The following KCNIP3 variants were observed in gnomAD, a reference collection of about 807,000 sequenced individuals.
KCNIP3 encodes potassium voltage-gated channel interacting protein 3, also known as calsenilin.
A neutral mutation model predicts 35.0 loss-of-function variants in KCNIP3; 28 were observed. The observed-to-expected ratio is 0.80, with a 90% confidence interval of 0.59 to 1.10. The LOEUF is 1.10. Among genes scored for constraint, KCNIP3 ranks in the 50% least tolerant of loss-of-function variants. The pLI, the probability that KCNIP3 is intolerant of heterozygous loss-of-function variation, is 0.00. For synonymous variants in KCNIP3, 134 were observed against 133.8 expected, an observed-to-expected ratio of 1.00 and a Z score of -0.01; for missense variants, 295 against 338.4, an observed-to-expected ratio of 0.87 and a Z score of 1.01.
chr2:95,343,453 C>T (rs1679266692), intron 2 of KCNIP3, among the ~76,000 whole-genome samples: 1 of 152,174 alleles, frequency 6.6e-6, no homozygotes. Context: ...TCCCCCAGCC[C>T]CACTCCGGAG....
intron 2 of KCNIP3, among the ~76,000 whole-genome samples, chr2:95,361,368 C>G (rs1003075869): frequency 6.6e-6 from 1 of 152,136 alleles, no homozygotes; most frequent in Admixed American, 6.5e-5. Flanking sequence ...CCCGCCAGTT[C>G]CCTTCACTCC....
chr2:95,374,789 C>T, intron 3 of KCNIP3, 59 bp from the exon 4 acceptor site: 20 of 1,568,616 alleles, frequency 1.3e-5, no homozygotes, highest in Non-Finnish European at 1.6e-5. Flanking sequence ...AGGCACCATG[C>T]AGAGTCGGGC....
chr2:95,341,461 C>G (rs2104257910), intron 2 of KCNIP3, among the ~76,000 whole-genome samples: 1 of 152,306 alleles, frequency 6.6e-6, no homozygotes, highest in Non-Finnish European at 1.5e-5. Context: ...GGTCAATACT[C>G]TAAGGTCAAG....
intron 2 of KCNIP3, among the ~76,000 whole-genome samples, chr2:95,326,070 C>T (rs575096778): frequency 1.1e-4 from 16 of 145,572 alleles, no homozygotes; most frequent in Admixed American, 2.8e-4. Flanking sequence ...CACATTCACT[C>T]ATACTAACAC....
chr2:95,354,808 C>A (rs1259818980), intron 2 of KCNIP3, among the ~76,000 whole-genome samples: 1 of 152,192 alleles, frequency 6.6e-6, no homozygotes, highest in Non-Finnish European at 1.5e-5. Flanking sequence ...CCCCCAACAC[C>A]CTCTCCCACC....
chr2:95,319,490 C>G (rs1350361077), intron 2 of KCNIP3, among the ~76,000 whole-genome samples: 1 of 152,162 alleles, frequency 6.6e-6, no homozygotes, highest in Non-Finnish European at 1.5e-5. Flanking sequence ...ACTGGTGGGC[C>G]AGGCCCAGGG....
chr2:95,360,845 A>G (rs1451102068), intron 2 of KCNIP3, among the ~76,000 whole-genome samples: 1 of 152,246 alleles, frequency 6.6e-6, no homozygotes, highest in African/African-American at 2.4e-5. Flanking sequence ...TGGGGCCCTC[A>G]TGGCCTGAAC....
At chr2:95,327,392 TACAC>T (rs987193774) in intron 2 of KCNIP3, among the ~76,000 whole-genome samples, 4 of 151,914 alleles carry the variant, frequency 2.6e-5, no homozygotes, top group South Asian at 2.1e-4. Context: ...CACGCACACA[TACAC>T]ACACTCTCAC....
At chr2:95,370,196 A>C (rs1225219060) in intron 2 of KCNIP3, among the ~76,000 whole-genome samples, 7 of 152,150 alleles carry the variant, frequency 4.6e-5, no homozygotes, top group Admixed American at 3.9e-4. Context: ...TATGTTGGAC[A>C]TTGTGAAAGG....
chr2:95,361,464 C>T (rs764017774), intron 2 of KCNIP3, among the ~76,000 whole-genome samples: 22 of 152,234 alleles, frequency 1.4e-4, no homozygotes, highest in Admixed American at 1.3e-4. Context: ...GCTTTGGACC[C>T]TTCGATAGCT....
At chr2:95,383,337 T>C in intron 8 of KCNIP3, 43 bp downstream of exon 8, 1 of 1,592,484 alleles carries the variant, frequency 6.3e-7, no homozygotes, top group East Asian at 2.3e-5. Context: ...CTGCAGGCTC[T>C]ACACGGAGGT....
At chr2:95,326,962 C>T (rs574220478) in intron 2 of KCNIP3, among the ~76,000 whole-genome samples, 21 of 152,320 alleles carry the variant, frequency 1.4e-4, no homozygotes, top group African/African-American at 4.3e-4. Context: ...CCTCGGTTTA[C>T]GGGTCGCCTC....
intron 2 of KCNIP3, among the ~76,000 whole-genome samples, chr2:95,363,864 T>G (rs984859900): frequency 2.0e-5 from 3 of 152,228 alleles, no homozygotes; most frequent in Admixed American, 2.0e-4. Context: ...TGTAGAGAAC[T>G]GCTATTGATT....
intron 5 of KCNIP3, 26 bp downstream of exon 5, chr2:95,375,234 G>A (rs370742526): frequency 3.6e-5 from 57 of 1,604,802 alleles, no homozygotes; most frequent in Middle Eastern, 3.3e-4. Context: ...TTCCTCCCAC[G>A]TGTCCTGCCC....
chr2:95,300,770 G>A (rs1678006081), intron 1 of KCNIP3, among the ~76,000 whole-genome samples: 1 of 152,254 alleles, frequency 6.6e-6, no homozygotes, highest in South Asian at 2.1e-4. Context: ...GAGCAGCTGA[G>A]CTGAGACGGG....
chr2:95,314,774 C>T (rs1678409352), intron 2 of KCNIP3, among the ~76,000 whole-genome samples: 1 of 152,390 alleles, frequency 6.6e-6, no homozygotes, highest in Middle Eastern at 3.4e-3. Context: ...TTTAAAGCCT[C>T]TAATCCAGAG....
intron 2 of KCNIP3, among the ~76,000 whole-genome samples, chr2:95,325,253 G>A (rs1678707499): frequency 6.6e-6 from 1 of 152,210 alleles, no homozygotes; most frequent in South Asian, 2.1e-4. Context: ...GGAATCCTGG[G>A]ACTGGAGTGG....
chr2:95,316,153 G>A (rs935824935), intron 2 of KCNIP3, among the ~76,000 whole-genome samples: 3 of 152,228 alleles, frequency 2.0e-5, no homozygotes, highest in African/African-American at 7.2e-5. Flanking sequence ...GCCTGCCATG[G>A]CCCCGTAGAG....
In KCNIP3 at chr2:95,378,295, T is replaced by G. The variant is rs1203641039; in HGVS notation, c.447+3087T>G. Among the ~76,000 whole-genome samples the G allele has an allele frequency of 1.3e-5, 2 of 152,084 alleles. No individual in the cohort carries two copies. Among genetic ancestry groups the G allele is most frequent in the Admixed American group, 6.6e-5 (1 of 15,266 alleles). ...ATGCCACCATGCCCAGCTAATTTTTTTATTTTAATTGTTGTAGATGCAAGG... is the reference window on the plus strand; with the variant it reads ...ATGCCACCATGCCCAGCTAATTTTTGTATTTTAATTGTTGTAGATGCAAGG... On this transcript the variant is annotated intron_variant, in intron 5 of 8. Coordinates refer to ENST00000295225, the MANE Select transcript of KCNIP3 (RefSeq NM_013434.5). This position sits in a 1 kb window ranked among gnomAD's most constrained non-coding sequence, Gnocchi z 4.0.
Sources: gnomAD v4.1 joint callset for allele counts (sites outside exome capture counted in the v4.1 genomes callset) on GRCh38, gnomAD v4.1.1 for gene constraint, Gnocchi (gnomAD v3.1) non-coding constraint, MANE v1.5 for transcripts, NCBI Gene and HGNC (gene_info 2026-07-23, HGNC 2026-07-21) for gene names.